The following PHLPP1 variants were observed in gnomAD, a reference collection of about 807,000 sequenced individuals.
The protein encoded by PHLPP1 is PH domain and leucine rich repeat protein phosphatase 1, also known as PH domain leucine-rich repeat-containing protein phosphatase 1.
PHLPP1 carries 42 observed loss-of-function variants against 117.2 expected under a neutral mutation model. That is an observed-to-expected ratio of 0.36 (90% CI 0.28 to 0.46). The LOEUF is 0.46. PHLPP1 is among the 20% of genes least tolerant of loss of function. The probability of loss-of-function intolerance (pLI) is 1.00; values close to 1 mark genes in which losing one functional copy is unlikely to be tolerated. For missense variants in PHLPP1, 2,084 were observed against 2,241.9 expected (o/e 0.93, Z 1.42); for synonymous variants, 1,042 against 970.7 (o/e 1.07, Z -1.37).
intron 6 of PHLPP1, among the ~76,000 whole-genome samples, chr18:62,896,541 C>T (rs1319908042): frequency 2.0e-5 from 3 of 151,980 alleles, no homozygotes; most frequent in Admixed American, 6.5e-5. Flanking sequence ...GTGATCCACC[C>T]GCCTCGGCCT....
At chr18:62,879,896 C>T (rs1471996315) in intron 4 of PHLPP1, among the ~76,000 whole-genome samples, 1 of 151,980 alleles carries the variant, frequency 6.6e-6, no homozygotes, top group Non-Finnish European at 1.5e-5. Flanking sequence ...TTCCAGTCCC[C>T]CTCTGTCTAT....
At chr18:62,777,127 C>T (rs1007701567) in intron 1 of PHLPP1, among the ~76,000 whole-genome samples, 2 of 152,170 alleles carry the variant, frequency 1.3e-5, no homozygotes, top group Admixed American at 1.3e-4. Flanking sequence ...ACTGCCAAAC[C>T]ATTTTCCAAA....
At chr18:62,942,160 G>A (rs1457561659) in intron 11 of PHLPP1, among the ~76,000 whole-genome samples, 1 of 152,190 alleles carries the variant, frequency 6.6e-6, no homozygotes, top group African/African-American at 2.4e-5. Context: ...GAAATAAAAT[G>A]TGTTGTTTAG....
chr18:62,812,881 A>G (rs1472014514), intron 1 of PHLPP1, among the ~76,000 whole-genome samples: 1 of 152,178 alleles, frequency 6.6e-6, no homozygotes. Flanking sequence ...ACGGAACTGA[A>G]CAGGTCTACC....
intron 1 of PHLPP1, among the ~76,000 whole-genome samples, chr18:62,719,360 T>C (rs1910849087): frequency 6.6e-6 from 1 of 152,246 alleles, no homozygotes; most frequent in Non-Finnish European, 1.5e-5. Flanking sequence ...CTGTTATTCA[T>C]TTGCAGTAGA....
chr18:62,724,219 G>A (rs1193481354), intron 1 of PHLPP1, among the ~76,000 whole-genome samples: 1 of 152,166 alleles, frequency 6.6e-6, no homozygotes, highest in African/African-American at 2.4e-5. Flanking sequence ...TTAAGTTAAA[G>A]TGAAATTCTT....
At chr18:62,926,879 TC>T (rs1204343774) in intron 10 of PHLPP1, among the ~76,000 whole-genome samples, 1 of 152,126 alleles carries the variant, frequency 6.6e-6, no homozygotes, top group Non-Finnish European at 1.5e-5. Flanking sequence ...AAGCATCAAT[TC>T]CCAGCAATTA....
At chr18:62,926,899 C>G (rs1448168635) in intron 10 of PHLPP1, among the ~76,000 whole-genome samples, 1 of 152,166 alleles carries the variant, frequency 6.6e-6, no homozygotes, top group African/African-American at 2.4e-5. Context: ...TACACTTTGA[C>G]TGTATCCATG....
intron 14 of PHLPP1, among the ~76,000 whole-genome samples, chr18:62,970,221 A>G (rs1311192580): frequency 1.3e-5 from 2 of 152,194 alleles, no homozygotes; most frequent in Non-Finnish European, 2.9e-5. Flanking sequence ...GAACCTTGCA[A>G]ATATGTACTT....
At chr18:62,737,043 C>T (rs1911388375) in intron 1 of PHLPP1, among the ~76,000 whole-genome samples, 4 of 152,046 alleles carry the variant, frequency 2.6e-5, no homozygotes, top group Admixed American at 2.6e-4. Context: ...GTGACGTTTA[C>T]ATAAATAATA....
chr18:62,857,800 C>G (rs568371781), intron 3 of PHLPP1, among the ~76,000 whole-genome samples: 47 of 152,310 alleles, frequency 3.1e-4, no homozygotes, highest in African/African-American at 1.1e-3. Context: ...TCATTCAGGG[C>G]AGAGACTGTG....
At chr18:62,863,645 T>G (rs1308647873) in intron 4 of PHLPP1, among the ~76,000 whole-genome samples, 1 of 152,250 alleles carries the variant, frequency 6.6e-6, no homozygotes, top group Admixed American at 6.5e-5. Context: ...GATATTGCCA[T>G]GGGATTTGTA....
chr18:62,914,513 G>T (rs898175417), intron 8 of PHLPP1, among the ~76,000 whole-genome samples: 2 of 152,160 alleles, frequency 1.3e-5, no homozygotes, highest in African/African-American at 2.4e-5. Flanking sequence ...TAGCTCACTT[G>T]TAAACCTCGA....
At chr18:62,865,009 A>G (rs991908537) in intron 4 of PHLPP1, among the ~76,000 whole-genome samples, 2 of 152,186 alleles carry the variant, frequency 1.3e-5, no homozygotes, top group Non-Finnish European at 2.9e-5. Context: ...CTTAGGTTTT[A>G]TATGCTCTAT....
At chr18:62,884,607 T>C (rs955402199) in intron 4 of PHLPP1, among the ~76,000 whole-genome samples, 1 of 152,224 alleles carries the variant, frequency 6.6e-6, no homozygotes, top group African/African-American at 2.4e-5. Context: ...AGCTCCTTCA[T>C]TACTTAATAC....
intron 4 of PHLPP1, among the ~76,000 whole-genome samples, chr18:62,868,053 T>G (rs780943080): frequency 5.3e-5 from 8 of 152,040 alleles, no homozygotes; most frequent in African/African-American, 1.9e-4. Flanking sequence ...CTTGTGATCC[T>G]CCCGCGTCAG....
At chr18:62,879,402 A>G (rs1916120719) in intron 4 of PHLPP1, among the ~76,000 whole-genome samples, 1 of 148,374 alleles carries the variant, frequency 6.7e-6, no homozygotes, top group Admixed American at 6.6e-5. Context: ...GGTATTCTGG[A>G]TATGTGTGTG....
intron 10 of PHLPP1, among the ~76,000 whole-genome samples, chr18:62,930,969 C>T (rs1218462143): frequency 5.9e-5 from 9 of 151,938 alleles, no homozygotes; most frequent in Non-Finnish European, 5.9e-5. Flanking sequence ...GCAGGAGGCT[C>T]ACGAGGTCAG....
chr18:62,926,535 G>A (rs1010922826), intron 10 of PHLPP1, among the ~76,000 whole-genome samples: 1 of 152,106 alleles, frequency 6.6e-6, no homozygotes, highest in Non-Finnish European at 1.5e-5. Context: ...AGTCCACCCT[G>A]CCAGTGAGGG....
Sources: allele counts gnomAD v4.1 joint callset (sites outside exome capture counted in the v4.1 genomes callset), GRCh38; gene constraint gnomAD v4.1.1; transcripts MANE v1.5; gene names NCBI Gene and HGNC (gene_info 2026-07-23, HGNC 2026-07-21).